AUTS2: variants seen among roughly 807,000 people sequenced by gnomAD.
AUTS2 encodes autism susceptibility gene 2 protein.
AUTS2 carries 17 observed loss-of-function variants against 112.4 expected under a neutral mutation model. The ratio of observed to expected loss-of-function variants is 0.15; its 90% CI spans 0.10 to 0.23. AUTS2 has a LOEUF of 0.23. Among genes scored for constraint, AUTS2 ranks in the 10% least tolerant of loss-of-function variants. The pLI, the probability that AUTS2 is intolerant of heterozygous loss-of-function variation, is 1.00. For missense variants in AUTS2, 1,510 were observed against 1,701.6 expected, an observed-to-expected ratio of 0.89 and a Z score of 1.98; for synonymous variants, 751 against 702.7, an observed-to-expected ratio of 1.07 and a Z score of -1.09.
intron 2 of AUTS2, among the ~76,000 whole-genome samples, chr7:70,100,088 T>A (rs1477025221): frequency 6.6e-6 from 1 of 152,238 alleles, no homozygotes; most frequent in East Asian, 1.9e-4. Context: ...CGTTAAAATT[T>A]GTTTCAGTAA....
chr7:69,602,036 ATATATG>A (rs1171860361), intron 1 of AUTS2, among the ~76,000 whole-genome samples: 2 of 17,972 alleles, frequency 1.1e-4, no homozygotes, highest in Non-Finnish European at 2.8e-4. Context: ...ATATATATAT[ATATATG>A]TGTGTGTGTG....
intron 5 of AUTS2, among the ~76,000 whole-genome samples, chr7:70,452,290 C>A (rs1341002037): frequency 2.6e-5 from 4 of 152,046 alleles, no homozygotes; most frequent in African/African-American, 9.7e-5. Flanking sequence ...GAAACCCCAT[C>A]TCTACAAAAA....
intron 2 of AUTS2, among the ~76,000 whole-genome samples, chr7:70,008,635 A>C (rs1442240174): frequency 6.6e-6 from 1 of 152,168 alleles, no homozygotes; most frequent in Non-Finnish European, 1.5e-5. Flanking sequence ...GTATAACCTC[A>C]TGATTGACTT....
intron 2 of AUTS2, among the ~76,000 whole-genome samples, chr7:70,059,181 T>TA (rs1230882502): frequency 6.6e-6 from 1 of 152,212 alleles, no homozygotes; most frequent in Non-Finnish European, 1.5e-5. Flanking sequence ...TTCATCCCCC[T>TA]ACCAAAACCC....
intron 2 of AUTS2, among the ~76,000 whole-genome samples, chr7:69,911,105 A>T (rs1054765682): frequency 6.6e-6 from 1 of 152,366 alleles, no homozygotes; most frequent in South Asian, 2.1e-4. Context: ...AAGCCATATC[A>T]GTGAGTGAGC....
At chr7:70,159,103 T>C (rs1807942598) in intron 4 of AUTS2, among the ~76,000 whole-genome samples, 1 of 152,218 alleles carries the variant, frequency 6.6e-6, no homozygotes, top group African/African-American at 2.4e-5. Flanking sequence ...TCTCTGAACA[T>C]TGATGATTCC....
At chr7:69,960,881 G>A (rs947942700) in intron 2 of AUTS2, among the ~76,000 whole-genome samples, 2 of 152,034 alleles carry the variant, frequency 1.3e-5, no homozygotes, top group African/African-American at 4.8e-5. Flanking sequence ...ATCAACTTCT[G>A]TGTGTGGTAT....
intron 1 of AUTS2, among the ~76,000 whole-genome samples, chr7:69,615,299 T>A (rs1036887081): frequency 6.6e-6 from 1 of 152,068 alleles, no homozygotes; most frequent in African/African-American, 2.4e-5. Flanking sequence ...AGGTGAACAT[T>A]ACTTTAGCAT....
intron 3 of AUTS2, among the ~76,000 whole-genome samples, chr7:70,133,113 A>G (rs984311674): frequency 3.9e-5 from 6 of 152,204 alleles, no homozygotes; most frequent in Admixed American, 2.0e-4. Context: ...TGCAGTGAGC[A>G]GGATCACACA....
intron 15 of AUTS2, 167 bp from the exon 16 acceptor site, chr7:70,784,775 A>G (rs1398345578): frequency 4.8e-6 from 1 of 207,070 alleles, no homozygotes; most frequent in Non-Finnish European, 7.8e-6. Context: ...AAAAAAAAAC[A>G]CACATTTTCT....
At position 70,419,762 on chromosome 7, in the gene AUTS2, C is replaced by G. The variant is rs111980394; in HGVS notation, c.661-15990C>G. On this transcript the variant is annotated intron_variant, in intron 4 of 18. Transcript: ENST00000342771. ...TATATGAGTGTCTGCCTCACGACAG[C>G]CTTGCCAACACTGCATATCAGCATT... 3.4e-3 allele frequency among the ~76,000 whole-genome samples: 519 copies of G among 152,282 alleles called. 10 individuals carry two copies. Among genetic ancestry groups the G allele is most frequent in the Non-Finnish European group, 3.8e-3 (256 of 68,032 alleles).
chr7:69,611,972 G>C (rs1319775394), intron 1 of AUTS2, among the ~76,000 whole-genome samples: 1 of 142,716 alleles, frequency 7.0e-6, no homozygotes, highest in African/African-American at 2.6e-5. Context: ...AAATTATTTT[G>C]GCAATGTGGC....
intron 2 of AUTS2, among the ~76,000 whole-genome samples, chr7:70,072,893 A>T (rs997451374): frequency 6.6e-6 from 1 of 152,188 alleles, no homozygotes; most frequent in African/African-American, 2.4e-5. Context: ...AGTGATTTAA[A>T]TGTTAGAGTT....
chr7:70,161,266 C>T (rs1404164024), intron 4 of AUTS2, among the ~76,000 whole-genome samples: 5 of 151,444 alleles, frequency 3.3e-5, no homozygotes, highest in African/African-American at 1.2e-4. Context: ...GAATCTTTCC[C>T]CCAATTTTTC....
intron 1 of AUTS2, among the ~76,000 whole-genome samples, chr7:69,755,179 T>C (rs1040727294): frequency 2.0e-5 from 3 of 152,150 alleles, no homozygotes; most frequent in Admixed American, 2.0e-4. Context: ...AGTGGCCTTA[T>C]CGAGAACAAG....
intron 2 of AUTS2, among the ~76,000 whole-genome samples, chr7:70,056,787 CAGATAAAGATCAGTGTGGATGG>C (rs1802013816): frequency 6.6e-6 from 1 of 152,114 alleles, no homozygotes; most frequent in South Asian, 2.1e-4. Flanking sequence ...GATGGAATAC[CAGATAAAGATCAGTGTGGATGG>C]TGGAGTCCTT....
chr7:69,894,985 A>AC (rs1399146843), intron 1 of AUTS2, among the ~76,000 whole-genome samples: 1 of 152,076 alleles, frequency 6.6e-6, no homozygotes, highest in East Asian at 1.9e-4. Flanking sequence ...TGATCCCAAA[A>AC]AGTTTTTTTA....
intron 6 of AUTS2, among the ~76,000 whole-genome samples, chr7:70,755,088 C>T (rs1383545867): frequency 6.6e-6 from 1 of 152,086 alleles, no homozygotes; most frequent in African/African-American, 2.4e-5. Flanking sequence ...CCAGTTAGAA[C>T]CAGTTAGAAA....
intron 4 of AUTS2, among the ~76,000 whole-genome samples, chr7:70,327,110 A>G (rs1234532847): frequency 6.6e-6 from 1 of 151,480 alleles, no homozygotes; most frequent in Non-Finnish European, 1.5e-5. Context: ...TAGAGACAGC[A>G]TTTTGCCATG....
Sources: allele counts gnomAD v4.1 joint callset (sites outside exome capture counted in the v4.1 genomes callset), GRCh38; gene constraint gnomAD v4.1.1; transcripts MANE v1.5; gene names NCBI Gene and HGNC (gene_info 2026-07-23, HGNC 2026-07-21).